Variants in AZGP1 observed in about 807,000 individuals in gnomAD.
AZGP1 encodes zinc-alpha-2-glycoprotein.
In AZGP1, 28 loss-of-function variants were observed where a neutral mutation model predicts 31.5. That is an observed-to-expected ratio of 0.89 (90% confidence interval 0.66 to 1.22). The LOEUF (loss-of-function observed/expected upper bound fraction) is 1.22. Among genes scored for constraint, AZGP1 ranks in the 50% most tolerant of loss-of-function variants. AZGP1 has a pLI of 0.00. For missense variants in AZGP1, 361 were observed against 371.8 expected (o/e 0.97, Z 0.24); for synonymous variants, 135 against 145.4 (o/e 0.93, Z 0.51).
intron 1 of AZGP1, among the ~76,000 whole-genome samples, 176 bp downstream of exon 1, chr7:99,975,769 G>T (rs1279945897): frequency 6.6e-6 from 1 of 152,146 alleles, no homozygotes; most frequent in Non-Finnish European, 1.5e-5. Flanking sequence ...CCAGCGCAGA[G>T]GCTCCCTGAA....
intron 1 of AZGP1, among the ~76,000 whole-genome samples, chr7:99,974,824 C>T (rs923726052): frequency 3.3e-5 from 5 of 151,706 alleles, no homozygotes; most frequent in Admixed American, 3.3e-4. Context: ...AATCAGTAGA[C>T]CTTGAGTAAA....
At chr7:99,972,365 G>A (rs1367129266) in intron 1 of AZGP1, among the ~76,000 whole-genome samples, 1 of 152,208 alleles carries the variant, frequency 6.6e-6, no homozygotes, top group Non-Finnish European at 1.5e-5. Context: ...CAGCTGGCTT[G>A]TCCCTTTTGT....
intron 2 of AZGP1, among the ~76,000 whole-genome samples, chr7:99,969,123 A>C (rs1789540755): frequency 6.6e-6 from 1 of 151,266 alleles, no homozygotes; most frequent in African/African-American, 2.4e-5. Flanking sequence ...AAAATATAAA[A>C]TTAGGCTGGA....
At chr7:99,967,352 T>C (rs1320713416) in intron 3 of AZGP1, 66 bp from the exon 4 acceptor site, 37 of 1,525,748 alleles carry the variant, frequency 2.4e-5, no homozygotes, top group South Asian at 3.7e-5. Flanking sequence ...GGTCTCTTCC[T>C]ACCCCCACCC....
rs779227508 is a variant in AZGP1, at chr7:99,967,469, A to G, written c.614-183T>C. On this transcript the variant is annotated intron_variant, in intron 3 of 3. Coordinates refer to ENST00000292401, the MANE Select transcript of AZGP1 (RefSeq NM_001185.4). ...AGGCTGACGCTTTCCCTCTTGCCCAATCCCCACCTCACCCATGTATTGACT... is the reference window on the plus strand; with the variant it reads ...AGGCTGACGCTTTCCCTCTTGCCCAGTCCCCACCTCACCCATGTATTGACT... 28 of 651,142 alleles carry G rather than the reference A, an allele frequency of 4.3e-5. 1 individual carries two copies. Among genetic ancestry groups the G allele is most frequent in the Middle Eastern group, 4.2e-4 (1 of 2,360 alleles). The allele number at this position is 651,142 out of a possible 1,614,324, so 40.3% of individuals were successfully genotyped here. A position where few individuals can be genotyped will look rare whatever the true frequency, so the allele number is the denominator to read the frequency against.
At position 99,967,083 on chromosome 7, in the gene AZGP1, G is replaced by T. The variant is rs145939335; in HGVS notation, c.817C>A (p.Gln273Lys). The change falls in exon 4 of 4, where the codon CAG (glutamine) becomes AAG (lysine). Residue 273 changes from glutamine to lysine, a missense_variant. Physicochemically the swap from Gln to Lys is moderately conservative, Grantham distance 53. Transcript: ENST00000292401. ...QSWVVVAVPP[Q>K]DTAPYSCHVQ... is the part of the protein sequence containing the mutation. ...TGGCAGGAGTAGGGGGCTGTGTCCT[G>T]CGGGGGCACTGCCACCACCACCCAG... The T allele has an allele frequency of 2.8e-5, 46 of 1,614,138 alleles. 1 individual carries two copies. The African/African-American group carries it at 5.3e-4, about 19-fold the overall frequency.
rs1416785816 is a variant in AZGP1 at position 99,967,152 on chromosome 7, A to G, written c.748T>C (p.Leu250=). Residue 250 remains leucine, a synonymous_variant, in exon 4 of 4, where the codon TTA becomes CTA. Transcript: ENST00000292401. ...CCATTGTGAAGAACATCTCCCCGTA[A>G]CTCAGGCTCCTGCACCTCGCCGGCC... ...TRAGEVQEPE[L]RGDVLHNGNG... is the part of the protein sequence containing the mutation. The G allele has an allele frequency of 5.0e-6, 8 of 1,614,076 alleles. No individual in the cohort carries two copies. In the African/African-American group the frequency reaches 8.0e-5, roughly 16 times the overall value.
At chr7:99,969,338 G>T (rs1237218542) in intron 2 of AZGP1, among the ~76,000 whole-genome samples, 2 of 151,504 alleles carry the variant, frequency 1.3e-5, no homozygotes, top group Non-Finnish European at 2.9e-5. Context: ...GAACCTGGGG[G>T]ACAGAAGTTG....
chr7:99,974,989 G>A (rs62486074), intron 1 of AZGP1, among the ~76,000 whole-genome samples: 2 of 152,080 alleles, frequency 1.3e-5, no homozygotes, highest in Non-Finnish European at 2.9e-5. Context: ...TCTCCAGCCT[G>A]CTGGCCGGCT....
chr7:99,971,680 C>T, intron 2 of AZGP1, 66 bp downstream of exon 2: 2 of 1,540,942 alleles, frequency 1.3e-6, no homozygotes, highest in African/African-American at 2.7e-5. Context: ...GATCCCTTGC[C>T]ACTCACACTG....
At position 99,971,999 on chromosome 7, in the gene AZGP1, G is replaced by A. The variant is rs532098091; in HGVS notation, c.84C>T (p.Tyr28=). 4 of 1,603,874 alleles carry A rather than the reference G, an allele frequency of 2.5e-6. No individual in the cohort carries two copies. The South Asian group carries it at 4.4e-5, about 18-fold the overall frequency. Residue 28 remains tyrosine, a synonymous_variant, in exon 2 of 4, where the codon TAC becomes TAT. Coordinates refer to ENST00000292401, the MANE Select transcript of AZGP1 (RefSeq NM_001185.4). The part of the protein sequence containing the change: ...AVPQENQDGR[Y]SLTYIYTGLS... ...GCCCAGTGTAGATATAGGTCAGAGA[G>A]TAACGACCTGCAAAAGAAAAGATTC...
At position 99,968,173 on chromosome 7, in the gene AZGP1, T is replaced by G; in HGVS notation, c.595A>C (p.Asn199His). ...TGAGTACCTTGCCGGTCCAGGATATTTTTGCTGTATTTCAGGTATTTCCGC... is the reference window on the plus strand; with the variant it reads ...TGAGTACCTTGCCGGTCCAGGATATGTTTGCTGTATTTCAGGTATTTCCGC... The part of the protein sequence containing the change: ...TLRKYLKYSK[N>H]ILDRQDPPSV... Residue 199 changes from asparagine (N) to histidine (H), a missense_variant, in exon 3 of 4, where the codon AAT becomes CAT. By Grantham distance (68) the Asn-to-His change is moderately conservative. Transcript: ENST00000292401. 6.2e-7 allele frequency: 1 copy of G among 1,613,744 alleles called. No homozygotes were observed. Among genetic ancestry groups the G allele is most frequent in the Non-Finnish European group, 8.5e-7 (1 of 1,179,952 alleles).
rs1306288404 is a variant in AZGP1 at position 99,967,548 on chromosome 7, C to T, written c.614-262G>A. The T allele has an allele frequency of 7.4e-6, 4 of 541,410 alleles. No individual in the cohort carries two copies. In the East Asian group the frequency reaches 1.3e-4, roughly 18 times the overall value. 33.5% of individuals were successfully genotyped at this position (541,410 alleles called of 1,614,324 possible). A position where few individuals can be genotyped will look rare whatever the true frequency, so the allele number is the denominator to read the frequency against. On this transcript the variant is annotated intron_variant, in intron 3 of 3. Coordinates refer to ENST00000292401, the MANE Select transcript of AZGP1 (RefSeq NM_001185.4). ...TGTGCTTCTCCATGTTTTCCCACAT[C>T]TCAGTGGGCTTTGGAGTTCTGTCCC...
At chr7:99,975,676 G>A (rs1267922443) in intron 1 of AZGP1, among the ~76,000 whole-genome samples, 1 of 152,128 alleles carries the variant, frequency 6.6e-6, no homozygotes, top group African/African-American at 2.4e-5. Context: ...TCTACCCCAA[G>A]CAGGTCGCTT....
Position 99,968,246 on chromosome 7 carries a change from G to A in AZGP1, c.522C>T (p.Tyr174=), listed in dbSNP as rs746576320. The A allele has an allele frequency of 3.7e-6, 6 of 1,613,856 alleles. No homozygotes were observed. The highest frequency in any genetic ancestry group is 2.2e-5 in the East Asian group (1 of 44,814). Residue 174 remains tyrosine (Y), a synonymous_variant, in exon 3 of 4, where the codon TAC becomes TAT. Transcript: ENST00000292401. Reference sequence around the variant, plus strand: ...CCAGGTAAGCCTTGGCCCGCTGCACGTAGACTGGTTCTGCCTCCCACTTCT... The same window carrying A: ...CCAGGTAAGCCTTGGCCCGCTGCACATAGACTGGTTCTGCCTCCCACTTCT... ...TKQKWEAEPV[Y]VQRAKAYLEE...
In AZGP1 at chr7:99,971,765, C is replaced by T. The variant is rs367936557; in HGVS notation, c.318G>A (p.Glu106=). ...ACTGACCGTTACTGTCGTTGTAATA[C>T]TCCACGATGTCTTTCAGGGTCTCCA... is the stretch of plus-strand genomic sequence containing the variant. The part of the protein sequence containing the change: ...IFMETLKDIV[E]YYNDSNGSHV... Residue 106 remains glutamate, a synonymous_variant, in exon 2 of 4, where the codon GAG becomes GAA. Coordinates refer to ENST00000292401, the MANE Select transcript of AZGP1 (RefSeq NM_001185.4). 4.3e-6 allele frequency: 7 copies of T among 1,613,846 alleles called. No individual in the cohort carries two copies. The African/African-American group carries it at 9.3e-5, about 22-fold the overall frequency.
chr7:99,971,390 C>T (rs190129863), intron 2 of AZGP1, among the ~76,000 whole-genome samples: 17 of 152,312 alleles, frequency 1.1e-4, no homozygotes, highest in Admixed American at 3.9e-4. Flanking sequence ...GAGTGGCTCA[C>T]TCTCCAGGCA....
rs148107724 is a variant in AZGP1, at chr7:99,971,768, C to T, written c.315G>A (p.Val105=). The change falls in exon 2 of 4, where the codon GTG becomes GTA. Residue 105 remains valine, a synonymous_variant. Coordinates refer to ENST00000292401, the MANE Select transcript of AZGP1 (RefSeq NM_001185.4). The part of the protein sequence containing the change: ...DIFMETLKDI[V]EYYNDSNGSH... ...GACCGTTACTGTCGTTGTAATACTC[C>T]ACGATGTCTTTCAGGGTCTCCATAA... is the stretch of plus-strand genomic sequence containing the variant. 50 of 1,613,844 alleles carry T rather than the reference C, an allele frequency of 3.1e-5. No individual in the cohort carries two copies. The highest frequency in any genetic ancestry group is 4.2e-5 in the Non-Finnish European group (49 of 1,179,972).
intron 1 of AZGP1, among the ~76,000 whole-genome samples, chr7:99,973,920 A>G (rs1206877129): frequency 1.3e-4 from 19 of 150,268 alleles, no homozygotes; most frequent in Middle Eastern, 6.9e-3. Context: ...AAAAAAAAAA[A>G]AAGAAGAATG....
Sources: gnomAD v4.1 joint callset for allele counts (sites outside exome capture counted in the v4.1 genomes callset) on GRCh38, gnomAD v4.1.1 for gene constraint, MANE v1.5 for transcripts, NCBI Gene and HGNC (gene_info 2026-07-23, HGNC 2026-07-21) for gene names.